The following NRCAM variants were observed in gnomAD, a reference collection of about 807,000 sequenced individuals.
NRCAM encodes the protein neuronal cell adhesion molecule, also known as NgCAM-related cell adhesion molecule.
Under a neutral mutation model 156.5 loss-of-function variants are expected in NRCAM, and 83 were observed. The ratio of observed to expected loss-of-function variants is 0.53; its 90% CI spans 0.44 to 0.64. NRCAM has a LOEUF of 0.64. NRCAM is among the 30% of genes least tolerant of loss of function. The pLI is 0.00. For missense variants in NRCAM, 1,417 were observed against 1,597.3 expected (o/e 0.89, Z 1.92); for synonymous variants, 538 against 563.9 (o/e 0.95, Z 0.65).
intron 32 of NRCAM, among the ~76,000 whole-genome samples, chr7:108,159,121 T>C (rs1288147929): frequency 6.6e-6 from 1 of 152,234 alleles, no homozygotes; most frequent in Admixed American, 6.5e-5. Flanking sequence ...TAGCTTTCTT[T>C]ACAATGCAGG....
Position 108,335,858 on chromosome 7 carries a change from C to T in NRCAM, c.-173-23127G>A, listed in dbSNP as rs188265328. 8.0e-3 allele frequency among the ~76,000 whole-genome samples: 1,213 copies of T among 152,112 alleles called. 10 individuals are homozygous for T. Among genetic ancestry groups the T allele is most frequent in the Non-Finnish European group, 0.012 (817 of 67,974 alleles). ...TCCCTCTGTTGCTTAATTCTTTTTT[C>T]CCCTCTATTTCTATTTTCCACAGTC... On this transcript the variant is annotated intron_variant, in intron 2 of 32. Coordinates refer to ENST00000379028, the MANE Select transcript of NRCAM (RefSeq NM_001037132.4).
chr7:108,196,883 AT>A lies in NRCAM; in HGVS notation c.1352-1012del, dbSNP rs1222203412. The stretch of plus-strand genomic sequence containing the variant: ...GGAAATGAAATCAGTATGTCGAGAT[AT>A]TTGAACTCCCTTGTTCATTGCAGTA... On this transcript the variant is annotated intron_variant, in intron 14 of 32. Coordinates refer to ENST00000379028, the MANE Select transcript of NRCAM (RefSeq NM_001037132.4). Among the ~76,000 whole-genome samples the A allele has an allele frequency of 2.6e-5, 4 of 152,328 alleles. 1 individual carries two copies. The highest frequency in any genetic ancestry group is 2.6e-4 in the Admixed American group (4 of 15,298).
chr7:108,267,800 T>C (rs936701175), intron 3 of NRCAM, among the ~76,000 whole-genome samples: 11 of 152,156 alleles, frequency 7.2e-5, no homozygotes, highest in Non-Finnish European at 1.3e-4. Context: ...AAGGGTAAAA[T>C]AGGACAAAAA....
intron 7 of NRCAM, 70 bp downstream of exon 7, chr7:108,232,256 A>C (rs1215660691): frequency 9.0e-7 from 1 of 1,106,364 alleles, no homozygotes; most frequent in Non-Finnish European, 1.3e-6. Context: ...TATTTGGATG[A>C]TGTCACAGAA....
At position 108,346,597 on chromosome 7, in the gene NRCAM, T is replaced by C. The variant is rs140326894; in HGVS notation, c.-173-33866A>G. 9.9e-3 allele frequency among the ~76,000 whole-genome samples: 1,514 copies of C among 152,274 alleles called. 11 individuals carry two copies. The highest frequency in any genetic ancestry group is 0.037 in the Middle Eastern group (11 of 294). On this transcript the variant is annotated intron_variant, in intron 2 of 32. Coordinates refer to ENST00000379028, the MANE Select transcript of NRCAM (RefSeq NM_001037132.4). ...ATCCTACCTCCTACTCTATTGTAAA[T>C]AGAGGACAAAAAGTGCTGGGTTTAA...
intron 2 of NRCAM, among the ~76,000 whole-genome samples, chr7:108,374,211 A>G (rs1427319057): frequency 6.6e-6 from 1 of 152,178 alleles, no homozygotes; most frequent in Non-Finnish European, 1.5e-5. Flanking sequence ...CTAGAAGAAA[A>G]CATTCCAGTG....
At position 108,167,747 on chromosome 7, in the gene NRCAM, G is replaced by C. The variant is rs114742082; in HGVS notation, c.3313+530C>G. 3.1e-3 allele frequency among the ~76,000 whole-genome samples: 475 copies of C among 152,282 alleles called. 2 individuals are homozygous for C. Among genetic ancestry groups the C allele is most frequent in the African/African-American group, 0.01 (432 of 41,548 alleles). Reference sequence around the variant, plus strand: ...GTGAAAGCTGCCCCATCTCCCAGTAGATGTGGCCAGGATCTACGAAGAGTG... The same window carrying C: ...GTGAAAGCTGCCCCATCTCCCAGTACATGTGGCCAGGATCTACGAAGAGTG... On this transcript the variant is annotated intron_variant, in intron 29 of 32. Transcript: ENST00000379028.
intron 3 of NRCAM, among the ~76,000 whole-genome samples, chr7:108,284,558 T>C (rs553092281): frequency 2.6e-5 from 4 of 152,300 alleles, no homozygotes; most frequent in African/African-American, 9.6e-5. Context: ...AGGTCCCTTA[T>C]GATTTGACAC....
chr7:108,391,560 T>A, intron 2 of NRCAM, among the ~76,000 whole-genome samples: 1 of 152,110 alleles, frequency 6.6e-6, no homozygotes, highest in East Asian at 1.9e-4. Context: ...AATTGGAGCA[T>A]TTAGCCCATT....
intron 2 of NRCAM, among the ~76,000 whole-genome samples, chr7:108,368,207 T>G (rs2099603857): frequency 6.9e-6 from 1 of 145,036 alleles, no homozygotes; most frequent in South Asian, 2.4e-4. Flanking sequence ...CTCAGCCACG[T>G]GGAATCACAC....
chr7:108,432,578 T>C (rs556413990), intron 1 of NRCAM, among the ~76,000 whole-genome samples: 3 of 152,294 alleles, frequency 2.0e-5, no homozygotes, highest in African/African-American at 7.2e-5. Flanking sequence ...TCTCTCACAC[T>C]GCAATACAGA....
chr7:108,345,340 C>T (rs144123069), intron 2 of NRCAM, among the ~76,000 whole-genome samples: 2 of 152,150 alleles, frequency 1.3e-5, no homozygotes, highest in East Asian at 1.9e-4. Context: ...TCCCAAAATC[C>T]CATGGGAAGT....
At chr7:108,153,621 A>G (rs573142502) in intron 32 of NRCAM, among the ~76,000 whole-genome samples, 1 of 152,244 alleles carries the variant, frequency 6.6e-6, no homozygotes, top group East Asian at 1.9e-4. Flanking sequence ...CAACTTGATA[A>G]GAAAAAGAAA....
intron 1 of NRCAM, among the ~76,000 whole-genome samples, chr7:108,434,832 T>C (rs1214268819): frequency 6.6e-6 from 1 of 152,082 alleles, no homozygotes; most frequent in Non-Finnish European, 1.5e-5. Flanking sequence ...ACATCAGCAA[T>C]TGCACATTGC....
Position 108,323,112 on chromosome 7 carries a change from A to G in NRCAM, c.-173-10381T>C, listed in dbSNP as rs185869466. ...TCATAATAAGGAATTCAGGGGTTTTAGTCAGAGGTGAATTAACAAAGCGAG... is the reference window on the plus strand; with the variant it reads ...TCATAATAAGGAATTCAGGGGTTTTGGTCAGAGGTGAATTAACAAAGCGAG... On this transcript the variant is annotated intron_variant, in intron 2 of 32. Coordinates refer to ENST00000379028, the MANE Select transcript of NRCAM (RefSeq NM_001037132.4). 3.4e-3 allele frequency among the ~76,000 whole-genome samples: 525 copies of G among 152,312 alleles called. 5 individuals are homozygous for G. The highest frequency in any genetic ancestry group is 0.014 in the Middle Eastern group (4 of 294).
At chr7:108,357,095 T>C (rs2300032) in intron 2 of NRCAM, among the ~76,000 whole-genome samples, 41,817 of 152,130 alleles carry the variant, frequency 0.27, 6,403 homozygotes, top group Middle Eastern at 0.37. Flanking sequence ...TTCCCAGCCT[T>C]CCAGTCTATG....
At chr7:108,176,630 A>T in intron 26 of NRCAM, 24 bp from the exon 27 acceptor site, 1 of 1,564,052 alleles carries the variant, frequency 6.4e-7, no homozygotes. Flanking sequence ...ATAATGAACA[A>T]GTGCATTCTC....
intron 2 of NRCAM, among the ~76,000 whole-genome samples, chr7:108,396,130 T>C (rs2099776150): frequency 6.6e-6 from 1 of 152,192 alleles, no homozygotes; most frequent in Non-Finnish European, 1.5e-5. Context: ...TATTAGTGTG[T>C]GTCTATCATG....
At chr7:108,357,748 T>C (rs2099515974) in intron 2 of NRCAM, among the ~76,000 whole-genome samples, 2 of 152,222 alleles carry the variant, frequency 1.3e-5, no homozygotes, top group African/African-American at 2.4e-5. Context: ...TTGTTTTCTC[T>C]CTCCTATCTT....
Sources: gnomAD v4.1 joint callset for allele counts (sites outside exome capture counted in the v4.1 genomes callset) on GRCh38, gnomAD v4.1.1 for gene constraint, MANE v1.5 for transcripts, NCBI Gene and HGNC (gene_info 2026-07-23, HGNC 2026-07-21) for gene names.